DPP10: variants seen among roughly 807,000 people sequenced by gnomAD.
DPP10 encodes dipeptidyl peptidase like 10, also known as inactive dipeptidyl peptidase 10.
DPP10 carries 33 observed loss-of-function variants against 120.9 expected under a neutral mutation model. That is an observed-to-expected ratio of 0.27 (90% CI 0.21 to 0.37). DPP10 has a LOEUF of 0.37. Ranked by LOEUF, DPP10 falls within the 10% of genes least tolerant of loss-of-function variation. The pLI, the probability that DPP10 is intolerant of heterozygous loss-of-function variation, is 1.00. For synonymous variants in DPP10, 337 were observed against 326.1 expected, an observed-to-expected ratio of 1.03 and a Z score of -0.36; for missense variants, 816 against 942.8, an observed-to-expected ratio of 0.87 and a Z score of 1.76.
At chr2:114,770,173 G>T (rs1281377665) in intron 1 of DPP10, among the ~76,000 whole-genome samples, 2 of 152,146 alleles carry the variant, frequency 1.3e-5, no homozygotes, top group African/African-American at 2.4e-5. Flanking sequence ...CCTAAAGGCA[G>T]CAGTTGTATG....
At chr2:115,517,136 G>T (rs1295282400) in intron 4 of DPP10, among the ~76,000 whole-genome samples, 1 of 152,040 alleles carries the variant, frequency 6.6e-6, no homozygotes, top group Admixed American at 6.6e-5. Flanking sequence ...GGAAGCAATT[G>T]CACGTGTATT....
chr2:114,508,456 A>G (rs1683861420), intron 1 of DPP10, among the ~76,000 whole-genome samples: 1 of 152,168 alleles, frequency 6.6e-6, no homozygotes, highest in African/African-American at 2.4e-5. Flanking sequence ...GTAATGTTTC[A>G]TGGTATGAAT....
chr2:115,284,380 TC>T (rs1485225472), intron 1 of DPP10, among the ~76,000 whole-genome samples: 1 of 152,038 alleles, frequency 6.6e-6, no homozygotes, highest in East Asian at 1.9e-4. Flanking sequence ...GCATTATCTT[TC>T]AAAAGCCCTA....
intron 1 of DPP10, among the ~76,000 whole-genome samples, chr2:114,550,190 T>A (rs907210512): frequency 6.6e-6 from 1 of 152,144 alleles, no homozygotes; most frequent in Non-Finnish European, 1.5e-5. Context: ...ACTTTACTGT[T>A]CTTGCTATAT....
intron 1 of DPP10, among the ~76,000 whole-genome samples, chr2:114,501,933 CTTTT>C (rs34369425): frequency 5.3e-5 from 5 of 94,022 alleles, no homozygotes; most frequent in Non-Finnish European, 4.4e-5. Context: ...ATTGATATTC[CTTTT>C]TTTTTTTTTT....
Position 114,788,725 on chromosome 2 carries a change from T to C in DPP10, c.60+345887T>C, listed in dbSNP as rs541628174. On this transcript the variant is annotated intron_variant, in intron 1 of 25. Coordinates refer to ENST00000410059, the MANE Select transcript of DPP10 (RefSeq NM_020868.6). ...AGTAGTAATACTGGATATGATTGTTTTAATTTTGGCCGATCTTTTAGGTAG... is the reference window on the plus strand; with the variant it reads ...AGTAGTAATACTGGATATGATTGTTCTAATTTTGGCCGATCTTTTAGGTAG... Among the ~76,000 whole-genome samples the C allele has an allele frequency of 5.9e-5, 9 of 152,352 alleles. No individual in the cohort carries two copies. The East Asian group carries it at 1.7e-3, about 29-fold the overall frequency.
At chr2:114,999,797 T>A (rs1701322097) in intron 1 of DPP10, among the ~76,000 whole-genome samples, 2 of 152,172 alleles carry the variant, frequency 1.3e-5, no homozygotes, top group African/African-American at 4.8e-5. Flanking sequence ...AGATGCTGCA[T>A]CTTGTTTTTT....
At chr2:114,864,119 A>C (rs1225310046) in intron 1 of DPP10, among the ~76,000 whole-genome samples, 1 of 152,232 alleles carries the variant, frequency 6.6e-6, no homozygotes, top group East Asian at 1.9e-4. Flanking sequence ...GGAGGAACAG[A>C]AATGTCGAAT....
chr2:114,494,985 A>C (rs1176727456), intron 1 of DPP10, among the ~76,000 whole-genome samples: 1 of 152,056 alleles, frequency 6.6e-6, no homozygotes, highest in South Asian at 2.1e-4. Flanking sequence ...GAAGTTTTCT[A>C]TCAGCGCTTT....
intron 10 of DPP10, among the ~76,000 whole-genome samples, chr2:115,751,031 C>T (rs1403796612): frequency 6.6e-6 from 1 of 152,016 alleles, no homozygotes; most frequent in Non-Finnish European, 1.5e-5. Context: ...AGAAAAGCAA[C>T]TATATATCAG....
chr2:115,053,659 A>G (rs567415097), intron 1 of DPP10, among the ~76,000 whole-genome samples: 1 of 152,244 alleles, frequency 6.6e-6, no homozygotes, highest in Non-Finnish European at 1.5e-5. Flanking sequence ...TTCCAATACA[A>G]GTTTTCAATA....
In DPP10 at chr2:115,438,107, A is replaced by G. The variant is rs554004078; in HGVS notation, c.272-61403A>G. 2.0e-5 allele frequency among the ~76,000 whole-genome samples: 3 copies of G among 152,242 alleles called. No individual in the cohort carries two copies. In the South Asian group the frequency reaches 6.2e-4, roughly 32 times the overall value. ...ATTAAACAAAAACCATGATTAAAAA[A>G]TGGTGAGAGTAAGCACGTGAAAAGA... On this transcript the variant is annotated intron_variant, in intron 3 of 25. Coordinates refer to ENST00000410059, the MANE Select transcript of DPP10 (RefSeq NM_020868.6).
At chr2:114,880,795 G>A (rs1048863948) in intron 1 of DPP10, among the ~76,000 whole-genome samples, 1 of 152,096 alleles carries the variant, frequency 6.6e-6, no homozygotes, top group Non-Finnish European at 1.5e-5. Flanking sequence ...GCAGTAATAT[G>A]AATGAAACAA....
chr2:114,693,655 T>G (rs1458352945), intron 1 of DPP10, among the ~76,000 whole-genome samples: 2 of 152,012 alleles, frequency 1.3e-5, no homozygotes, highest in Non-Finnish European at 2.9e-5. Context: ...TTCTCCTGGA[T>G]GATATCCTGA....
At chr2:115,591,893 A>G (rs566929174) in intron 5 of DPP10, among the ~76,000 whole-genome samples, 128 of 152,180 alleles carry the variant, frequency 8.4e-4, no homozygotes, top group Middle Eastern at 3.4e-3. Flanking sequence ...TTGGATTCCT[A>G]TCCTATCCTA....
chr2:114,632,518 T>G (rs921427199), intron 1 of DPP10, among the ~76,000 whole-genome samples: 1 of 137,330 alleles, frequency 7.3e-6, no homozygotes, highest in Admixed American at 7.2e-5. Flanking sequence ...TTTTTTTTTT[T>G]TTTTTTTTTT....
intron 1 of DPP10, among the ~76,000 whole-genome samples, chr2:114,682,729 C>G (rs1699106378): frequency 6.6e-6 from 1 of 151,686 alleles, no homozygotes; most frequent in African/African-American, 2.4e-5. Context: ...ATACTATCCT[C>G]CCAGGTAAGA....
chr2:115,380,127 G>T (rs4848389), intron 3 of DPP10, among the ~76,000 whole-genome samples: 28,598 of 152,014 alleles, frequency 0.19, 3,019 homozygotes, highest in East Asian at 0.35. Context: ...CTGTCTCGTT[G>T]ATCTGTCTAA....
chr2:115,477,176 C>G (rs1212706885), intron 3 of DPP10, among the ~76,000 whole-genome samples: 1 of 151,724 alleles, frequency 6.6e-6, no homozygotes, highest in Non-Finnish European at 1.5e-5. Flanking sequence ...GGAAATTAGC[C>G]AAGAAAAAGA....
Sources: allele counts gnomAD v4.1 joint callset (sites outside exome capture counted in the v4.1 genomes callset), GRCh38; gene constraint gnomAD v4.1.1; transcripts MANE v1.5; gene names NCBI Gene and HGNC (gene_info 2026-07-23, HGNC 2026-07-21).